Variants in RALY observed in about 807,000 individuals in gnomAD.
The protein encoded by RALY is RNA-binding protein Raly.
RALY carries 15 observed loss-of-function variants against 30.7 expected under a neutral mutation model. The ratio of observed to expected loss-of-function variants is 0.49; its 90% CI spans 0.33 to 0.75. RALY has a LOEUF of 0.75. RALY is among the 30% of genes least tolerant of loss of function. RALY has a pLI of 0.02. For missense variants in RALY, 339 were observed against 414.3 expected (o/e 0.82, Z 1.58); for synonymous variants, 177 against 170.8 (o/e 1.04, Z -0.28).
intron 2 of RALY, among the ~76,000 whole-genome samples, chr20:34,034,224 G>A (rs1488578438): frequency 6.6e-6 from 1 of 152,182 alleles, no homozygotes; most frequent in Admixed American, 6.5e-5. Context: ...GGAGGCCATG[G>A]TCATTCCAGT....
intron 1 of RALY, among the ~76,000 whole-genome samples, chr20:34,028,859 G>A (rs903895063): frequency 5.9e-5 from 9 of 152,088 alleles, no homozygotes; most frequent in Non-Finnish European, 1.2e-4. Context: ...ACAACAGTGT[G>A]GACCAAAAAT....
chr20:34,050,467 G>A (rs2033039004), intron 2 of RALY, among the ~76,000 whole-genome samples: 1 of 152,150 alleles, frequency 6.6e-6, no homozygotes, highest in Non-Finnish European at 1.5e-5. Context: ...TGTTGTTTTT[G>A]GCCTTAATCT....
chr20:34,068,548 T>A (rs1391306954), intron 2 of RALY, among the ~76,000 whole-genome samples: 2 of 152,086 alleles, frequency 1.3e-5, no homozygotes, highest in Non-Finnish European at 2.9e-5. Context: ...GTGCCCCGAG[T>A]TTTGTCAGGC....
intron 2 of RALY, among the ~76,000 whole-genome samples, chr20:34,059,653 G>T (rs2123208809): frequency 6.6e-6 from 1 of 152,320 alleles, no homozygotes; most frequent in Admixed American, 6.5e-5. Context: ...AAGCTAATAA[G>T]CCCCCATTAC....
chr20:33,995,332 CT>C (rs1290770597), intron 1 of RALY, among the ~76,000 whole-genome samples: 3 of 152,128 alleles, frequency 2.0e-5, no homozygotes, highest in Non-Finnish European at 4.4e-5. Flanking sequence ...GGGATCCACC[CT>C]TTAGTTTGTG....
chr20:34,043,196 T>A (rs2032762437), intron 2 of RALY, among the ~76,000 whole-genome samples: 1 of 152,160 alleles, frequency 6.6e-6, no homozygotes, highest in African/African-American at 2.4e-5. Context: ...TTCTTTTTCT[T>A]CCCCTGCTCA....
intron 2 of RALY, among the ~76,000 whole-genome samples, chr20:34,068,064 C>T (rs193009942): frequency 6.6e-6 from 1 of 152,294 alleles, no homozygotes; most frequent in Non-Finnish European, 1.5e-5. Flanking sequence ...GCACACAGGT[C>T]TCTGCTCATC....
At chr20:34,078,950 T>C (rs2033970191) in intron 9 of RALY, among the ~76,000 whole-genome samples, 1 of 152,164 alleles carries the variant, frequency 6.6e-6, no homozygotes, top group Non-Finnish European at 1.5e-5. Flanking sequence ...CTGAGCCTGC[T>C]AGTGATTGAG....
intron 1 of RALY, among the ~76,000 whole-genome samples, chr20:34,018,972 C>G (rs1379515822): frequency 6.6e-6 from 1 of 152,030 alleles, no homozygotes; most frequent in African/African-American, 2.4e-5. Flanking sequence ...GATTGGGGGT[C>G]AGTTTAGGGC....
rs546952051 is a variant in RALY, at chr20:34,001,966, A to G, written c.-93+7835A>G. On this transcript the variant is annotated intron_variant, in intron 1 of 9. Transcript: ENST00000246194. ...GTATTTTTAGTAGAGACGGGGTTTCACAGTGTTCGCCAGGATGGTCTCGAT... is the reference window on the plus strand; with the variant it reads ...GTATTTTTAGTAGAGACGGGGTTTCGCAGTGTTCGCCAGGATGGTCTCGAT... 5.9e-5 allele frequency among the ~76,000 whole-genome samples: 9 copies of G among 152,186 alleles called. No individual in the cohort carries two copies. In the East Asian group the frequency reaches 1.7e-3, roughly 29 times the overall value.
At chr20:34,001,273 A>G (rs764805115) in intron 1 of RALY, among the ~76,000 whole-genome samples, 10 of 152,348 alleles carry the variant, frequency 6.6e-5, no homozygotes, top group Non-Finnish European at 1.3e-4. Flanking sequence ...AAAATAAAAA[A>G]CATTTTAAGA....
chr20:34,041,523 C>T (rs1478176233), intron 2 of RALY, among the ~76,000 whole-genome samples: 2 of 152,218 alleles, frequency 1.3e-5, no homozygotes, highest in East Asian at 1.9e-4. Context: ...CCAGTCTCCA[C>T]TTGCAAAAGG....
chr20:33,994,684 G>A (rs537645161), intron 1 of RALY, among the ~76,000 whole-genome samples: 1 of 152,134 alleles, frequency 6.6e-6, no homozygotes, highest in South Asian at 2.1e-4. Context: ...CTCGAACTGG[G>A]GCCGTATCCG....
intron 1 of RALY, among the ~76,000 whole-genome samples, chr20:33,999,555 T>G (rs1423845700): frequency 6.6e-6 from 1 of 152,238 alleles, no homozygotes; most frequent in Non-Finnish European, 1.5e-5. Flanking sequence ...TTATCCAGGC[T>G]ACATCCTTTG....
chr20:34,079,316 A>G (rs369645543), intron 9 of RALY, among the ~76,000 whole-genome samples: 2 of 152,314 alleles, frequency 1.3e-5, no homozygotes, highest in South Asian at 2.1e-4. Flanking sequence ...ATTTCAGCCC[A>G]GTGGTGTGTG....
intron 2 of RALY, among the ~76,000 whole-genome samples, chr20:34,058,697 A>T (rs1000473433): frequency 5.3e-5 from 8 of 152,180 alleles, no homozygotes; most frequent in Non-Finnish European, 1.2e-4. Context: ...AATGAGTTTA[A>T]TGAGATGTCC....
chr20:34,069,482 T>C (rs1336124563), intron 2 of RALY, among the ~76,000 whole-genome samples: 2 of 152,172 alleles, frequency 1.3e-5, no homozygotes, highest in Non-Finnish European at 2.9e-5. Context: ...CAGGCTTGGT[T>C]GACTCCCTCT....
intron 2 of RALY, among the ~76,000 whole-genome samples, chr20:34,034,357 A>G (rs531223551): frequency 6.6e-6 from 1 of 152,130 alleles, no homozygotes; most frequent in African/African-American, 2.4e-5. Context: ...TTTGACCCCT[A>G]CCTTCCCTCC....
chr20:34,009,858 T>G (rs1330503269), intron 1 of RALY, among the ~76,000 whole-genome samples: 3 of 152,202 alleles, frequency 2.0e-5, no homozygotes, highest in Non-Finnish European at 4.4e-5. Context: ...GCACTTTTTT[T>G]GGGAAACACT....
Sources: gnomAD v4.1 joint callset for allele counts (sites outside exome capture counted in the v4.1 genomes callset) on GRCh38, gnomAD v4.1.1 for gene constraint, MANE v1.5 for transcripts, NCBI Gene and HGNC (gene_info 2026-07-23, HGNC 2026-07-21) for gene names.